The following CTNNA3 variants were observed in gnomAD, a reference collection of about 807,000 sequenced individuals.
CTNNA3 encodes catenin alpha-3.
Under a neutral mutation model 95.7 loss-of-function variants are expected in CTNNA3, and 76 were observed. The ratio of observed to expected loss-of-function variants is 0.79; its 90% confidence interval spans 0.66 to 0.96. CTNNA3 has a LOEUF of 0.96. CTNNA3 is among the 40% of genes least tolerant of loss of function. CTNNA3 has a pLI of 0.00. For synonymous variants in CTNNA3, 431 were observed against 374.4 expected (o/e 1.15, Z -1.74); for missense variants, 1,191 against 1,089.8 (o/e 1.09, Z -1.31).
intron 3 of CTNNA3, among the ~76,000 whole-genome samples, chr10:67,562,077 C>G (rs562954266): frequency 5.3e-4 from 81 of 152,262 alleles, no homozygotes; most frequent in Non-Finnish European, 1.2e-4. Flanking sequence ...GGAATTGGTA[C>G]CATTCTTTCT....
intron 7 of CTNNA3, among the ~76,000 whole-genome samples, chr10:66,906,552 G>C (rs1054433551): frequency 6.6e-6 from 1 of 152,044 alleles, no homozygotes; most frequent in Non-Finnish European, 1.5e-5. Context: ...AGTCTTTCAA[G>C]TTTAAAGGAA....
At chr10:67,471,316 G>T (rs1365281486) in intron 5 of CTNNA3, among the ~76,000 whole-genome samples, 1 of 152,166 alleles carries the variant, frequency 6.6e-6, no homozygotes, top group Non-Finnish European at 1.5e-5. Context: ...ACTGCCCCTA[G>T]TTGAAAACCA....
intron 13 of CTNNA3, among the ~76,000 whole-genome samples, chr10:66,229,389 A>G (rs990455805): frequency 2.6e-5 from 4 of 152,076 alleles, no homozygotes; most frequent in South Asian, 4.1e-4. Context: ...TCTCTTATGC[A>G]ATTCACGTGG....
chr10:66,180,286 T>G (rs1470616064), intron 13 of CTNNA3, among the ~76,000 whole-genome samples: 1 of 152,034 alleles, frequency 6.6e-6, no homozygotes, highest in Non-Finnish European at 1.5e-5. Context: ...CAAGAGGCAA[T>G]CTAAGTGATG....
chr10:66,553,424 T>G (rs67078839), intron 10 of CTNNA3, among the ~76,000 whole-genome samples: 16,855 of 118,790 alleles, frequency 0.14, 1,705 homozygotes, highest in East Asian at 0.6. Context: ...ACAGTAAGTT[T>G]GGAAATGAAG....
intron 9 of CTNNA3, among the ~76,000 whole-genome samples, chr10:66,692,413 A>G (rs1025809112): frequency 1.3e-5 from 2 of 152,180 alleles, no homozygotes; most frequent in African/African-American, 4.8e-5. Context: ...GTTTAGAGAA[A>G]AAAGAACAAA....
chr10:66,581,171 T>C (rs901466765), intron 10 of CTNNA3, among the ~76,000 whole-genome samples: 1 of 151,968 alleles, frequency 6.6e-6, no homozygotes. Flanking sequence ...GTTGACTGCA[T>C]ATCTTTGCAA....
At chr10:67,284,224 G>A (rs1049095720) in intron 5 of CTNNA3, among the ~76,000 whole-genome samples, 2 of 152,128 alleles carry the variant, frequency 1.3e-5, no homozygotes, top group Non-Finnish European at 2.9e-5. Context: ...AAGTTATTTT[G>A]ACCATTTTTG....
intron 3 of CTNNA3, among the ~76,000 whole-genome samples, chr10:67,597,428 C>A (rs1367917117): frequency 6.6e-6 from 1 of 152,106 alleles, no homozygotes; most frequent in African/African-American, 2.4e-5. Context: ...TCCTTTGGAT[C>A]GAGCTTTTTG....
At chr10:66,548,999 T>G (rs1842127230) in intron 10 of CTNNA3, among the ~76,000 whole-genome samples, 2 of 53,604 alleles carry the variant, frequency 3.7e-5, no homozygotes, top group South Asian at 9.5e-4. Context: ...TTTTTTTTTT[T>G]TTTGTTTGAG....
intron 6 of CTNNA3, among the ~76,000 whole-genome samples, chr10:67,199,229 T>G (rs1213339059): frequency 2.0e-5 from 3 of 152,160 alleles, no homozygotes; most frequent in African/African-American, 7.2e-5. Flanking sequence ...CGCTTCTGTG[T>G]TTCATGATTC....
chr10:67,484,832 C>T (rs1848383322), intron 5 of CTNNA3, among the ~76,000 whole-genome samples: 1 of 151,970 alleles, frequency 6.6e-6, no homozygotes, highest in Non-Finnish European at 1.5e-5. Context: ...GCTGGCAAGG[C>T]TATGGAGAAA....
chr10:67,692,359 GT>G, intron 1 of CTNNA3, among the ~76,000 whole-genome samples: 1 of 145,602 alleles, frequency 6.9e-6, no homozygotes, highest in South Asian at 2.3e-4. Context: ...GTAGAAAGAG[GT>G]AGACATGGGA....
At chr10:67,367,031 T>C (rs530231581) in intron 5 of CTNNA3, among the ~76,000 whole-genome samples, 6 of 152,214 alleles carry the variant, frequency 3.9e-5, no homozygotes, top group African/African-American at 1.4e-4. Flanking sequence ...GACATCAGCC[T>C]TGGAAAAGAA....
intron 10 of CTNNA3, among the ~76,000 whole-genome samples, chr10:66,521,267 T>C (rs1012326793): frequency 6.6e-6 from 1 of 152,080 alleles, no homozygotes; most frequent in African/African-American, 2.4e-5. Context: ...TTTTTAAATA[T>C]AAACTTTGTT....
chr10:66,575,496 C>T (rs12256594), intron 10 of CTNNA3, among the ~76,000 whole-genome samples: 1 of 151,844 alleles, frequency 6.6e-6, no homozygotes, highest in African/African-American at 2.4e-5. Flanking sequence ...TTTTTTGAGC[C>T]CTCACCATGT....
At chr10:67,605,024 A>G (rs1415024110) in intron 3 of CTNNA3, among the ~76,000 whole-genome samples, 1 of 152,178 alleles carries the variant, frequency 6.6e-6, no homozygotes, top group Non-Finnish European at 1.5e-5. Context: ...AGAGCCAGCA[A>G]TCCCTCTTCT....
At chr10:67,474,339 C>T (rs761424034) in intron 5 of CTNNA3, among the ~76,000 whole-genome samples, 3 of 152,158 alleles carry the variant, frequency 2.0e-5, no homozygotes, top group Non-Finnish European at 4.4e-5. Context: ...AATACGACCG[C>T]TGTCCTTATA....
intron 7 of CTNNA3, among the ~76,000 whole-genome samples, chr10:66,976,046 A>G (rs997122342): frequency 6.6e-6 from 1 of 152,174 alleles, no homozygotes; most frequent in Non-Finnish European, 1.5e-5. Context: ...AGGCCCAATA[A>G]TAGGTCAGTT....
Sources: allele counts gnomAD v4.1 joint callset (sites outside exome capture counted in the v4.1 genomes callset), GRCh38; gene constraint gnomAD v4.1.1; transcripts MANE v1.5; gene names NCBI Gene and HGNC (gene_info 2026-07-23, HGNC 2026-07-21).